The following CACNA2D1 variants were observed in gnomAD, a reference collection of about 807,000 sequenced individuals.
CACNA2D1 encodes calcium voltage-gated channel auxiliary subunit alpha2delta 1, also known as voltage-dependent calcium channel subunit alpha-2/delta-1.
CACNA2D1 carries 53 observed loss-of-function variants against 171.5 expected under a neutral mutation model. That is an observed-to-expected ratio of 0.31 (90% CI 0.25 to 0.39). The LOEUF is 0.39. Among genes scored for constraint, CACNA2D1 ranks in the 10% least tolerant of loss-of-function variants. The pLI is 1.00. For missense variants in CACNA2D1, 903 were observed against 1,299.8 expected, an observed-to-expected ratio of 0.69 and a Z score of 4.69; for synonymous variants, 442 against 443.1, an observed-to-expected ratio of 1.00 and a Z score of 0.03.
At chr7:82,141,957 ATAGAG>A (rs1057055568) in intron 4 of CACNA2D1, among the ~76,000 whole-genome samples, 5 of 152,322 alleles carry the variant, frequency 3.3e-5, no homozygotes, top group African/African-American at 1.2e-4. Context: ...AAATGATAGA[ATAGAG>A]TAATCTTGTT....
chr7:82,349,735 A>G, intron 1 of CACNA2D1, 86 bp from the exon 2 acceptor site: 1 of 1,008,882 alleles, frequency 9.9e-7, no homozygotes, highest in South Asian at 1.3e-5. Context: ...CGCTACAGAT[A>G]ATTCATTAAA....
intron 10 of CACNA2D1, among the ~76,000 whole-genome samples, chr7:82,040,000 A>G (rs1378650358): frequency 6.6e-6 from 1 of 152,188 alleles, no homozygotes; most frequent in African/African-American, 2.4e-5. Flanking sequence ...AAAATAATTG[A>G]ATCTGGAATT....
intron 1 of CACNA2D1, among the ~76,000 whole-genome samples, chr7:82,388,072 A>AC (rs1824624802): frequency 1.4e-5 from 2 of 146,602 alleles, no homozygotes; most frequent in East Asian, 2.0e-4. Flanking sequence ...CAAAAAAAAA[A>AC]AAAAACAAAA....
At chr7:82,257,899 G>A (rs1027166790) in intron 3 of CACNA2D1, among the ~76,000 whole-genome samples, 1 of 152,166 alleles carries the variant, frequency 6.6e-6, no homozygotes, top group African/African-American at 2.4e-5. Context: ...AGATGGAGGA[G>A]ATTAGAGAAT....
At chr7:82,184,024 A>T (rs1050577322) in intron 3 of CACNA2D1, among the ~76,000 whole-genome samples, 6 of 151,886 alleles carry the variant, frequency 4.0e-5, no homozygotes, top group Admixed American at 2.0e-4. Context: ...CCTTTAAATA[A>T]TTTACCTTTG....
intron 6 of CACNA2D1, among the ~76,000 whole-genome samples, chr7:82,092,814 C>T (rs938019192): frequency 2.8e-4 from 42 of 151,526 alleles, no homozygotes; most frequent in African/African-American, 8.0e-4. Flanking sequence ...GCTAAACTCT[C>T]GGTAAATGAA....
intron 3 of CACNA2D1, among the ~76,000 whole-genome samples, chr7:82,311,307 C>T (rs138422822): frequency 3.2e-4 from 48 of 151,944 alleles, no homozygotes; most frequent in Non-Finnish European, 6.3e-4. Flanking sequence ...ATACACATTT[C>T]TGACAACTTT....
At chr7:82,099,419 CTTCTTTTTTTTT>C (rs1563045955) in intron 6 of CACNA2D1, among the ~76,000 whole-genome samples, 1 of 50,580 alleles carries the variant, frequency 2.0e-5, no homozygotes, top group Admixed American at 2.5e-4. Flanking sequence ...GTAGCAATAC[CTTCTTTTTTTTT>C]TTTTTTTTTT....
intron 1 of CACNA2D1, among the ~76,000 whole-genome samples, chr7:82,398,024 T>A (rs1044426447): frequency 2.1e-4 from 32 of 152,122 alleles, no homozygotes; most frequent in South Asian, 4.2e-4. Flanking sequence ...ATGAAGAGAG[T>A]GGCTAAGAAT....
chr7:82,113,982 C>T (rs1788735914), intron 6 of CACNA2D1, among the ~76,000 whole-genome samples: 1 of 152,088 alleles, frequency 6.6e-6, no homozygotes, highest in Non-Finnish European at 1.5e-5. Context: ...TGACATATCC[C>T]AAAGAATGCC....
intron 10 of CACNA2D1, among the ~76,000 whole-genome samples, chr7:82,047,667 G>A (rs1265003301): frequency 1.3e-5 from 2 of 151,972 alleles, no homozygotes; most frequent in South Asian, 2.1e-4. Flanking sequence ...CCACCACTAC[G>A]TGCCTTGAAC....
At chr7:82,071,907 C>T (rs80037036) in intron 7 of CACNA2D1, among the ~76,000 whole-genome samples, 3,761 of 152,154 alleles carry the variant, frequency 0.025, 143 homozygotes, top group African/African-American at 0.081. Flanking sequence ...AAAAGTTTTA[C>T]GGTGGTATTG....
intron 20 of CACNA2D1, among the ~76,000 whole-genome samples, chr7:81,993,061 A>T (rs1472896282): frequency 6.6e-6 from 1 of 152,190 alleles, no homozygotes; most frequent in Non-Finnish European, 1.5e-5. Context: ...TAAAATCCAT[A>T]AAAATGCAGT....
At position 82,325,419 on chromosome 7, in the gene CACNA2D1, G is replaced by T. The variant is rs187451663; in HGVS notation, c.294+9716C>A. On this transcript the variant is annotated intron_variant, in intron 3 of 38. Transcript: ENST00000356860. ...ATAAATGACGTTGCTGACTTTAAAA[G>T]ACTTGAAAATAATGGTACTATGAGA... Among the ~76,000 whole-genome samples the T allele has an allele frequency of 1.2e-4, 19 of 152,248 alleles. No individual in the cohort carries two copies. In the East Asian group the frequency reaches 3.5e-3, roughly 28 times the overall value.
chr7:82,367,545 ATTATATT>A (rs1821882723), intron 1 of CACNA2D1, among the ~76,000 whole-genome samples: 2 of 152,148 alleles, frequency 1.3e-5, no homozygotes, highest in African/African-American at 2.4e-5. Context: ...CCATGCAATT[ATTATATT>A]TGTCTATTTA....
intron 4 of CACNA2D1, among the ~76,000 whole-genome samples, chr7:82,160,817 AT>A (rs1020025012): frequency 4.6e-5 from 7 of 152,068 alleles, no homozygotes; most frequent in African/African-American, 1.2e-4. Context: ...CAAGAAAAAA[AT>A]CTCATCATTC....
At chr7:81,969,082 A>T in intron 28 of CACNA2D1, 109 bp from the exon 29 acceptor site, 1 of 689,526 alleles carries the variant, frequency 1.5e-6, no homozygotes, top group Non-Finnish European at 2.5e-6. Context: ...AAATTCTAGC[A>T]TCTACAAACT....
intron 10 of CACNA2D1, among the ~76,000 whole-genome samples, chr7:82,048,683 T>C (rs1160830223): frequency 2.0e-5 from 3 of 152,142 alleles, no homozygotes; most frequent in Non-Finnish European, 2.9e-5. Context: ...ATTTTAAGCC[T>C]ACTAAATAAT....
intron 3 of CACNA2D1, among the ~76,000 whole-genome samples, chr7:82,313,141 T>G (rs996764931): frequency 1.3e-5 from 2 of 152,174 alleles, no homozygotes; most frequent in Non-Finnish European, 2.9e-5. Context: ...TTTTCCAATC[T>G]ACCTATTTTT....
Sources: gnomAD v4.1 joint callset for allele counts (sites outside exome capture counted in the v4.1 genomes callset) on GRCh38, gnomAD v4.1.1 for gene constraint, MANE v1.5 for transcripts, NCBI Gene and HGNC (gene_info 2026-07-23, HGNC 2026-07-21) for gene names.